MTARC1: variants seen among roughly 807,000 people sequenced by gnomAD.
MTARC1 encodes the protein mitochondrial amidoxime-reducing component 1.
A neutral mutation model predicts 33.6 loss-of-function variants in MTARC1; 24 were observed. The ratio of observed to expected loss-of-function variants is 0.72; its 90% CI spans 0.52 to 1.01. MTARC1 has a LOEUF of 1.01. Ranked by LOEUF, MTARC1 falls within the 50% of genes least tolerant of loss-of-function variation. The probability of loss-of-function intolerance (pLI) is 0.00; values close to 1 mark genes in which losing one functional copy is unlikely to be tolerated. For synonymous variants in MTARC1, 187 were observed against 189.5 expected, an observed-to-expected ratio of 0.99 and a Z score of 0.11; for missense variants, 417 against 445.7, an observed-to-expected ratio of 0.94 and a Z score of 0.58.
In MTARC1 at chr1:220,813,285, A is replaced by C. The variant is rs1558095876; in HGVS notation, c.888-7A>C. On this transcript the variant is annotated splice_polypyrimidine_tract_variant and splice_region_variant and intron_variant, in intron 6 of 6. Coordinates refer to ENST00000366910, the MANE Select transcript of MTARC1 (RefSeq NM_022746.4). ...CTGTGACTCATCATGATCTTTTCCT[A>C]TTGCAGTTATCGCCAGTGTGACCCT... 6.2e-7 allele frequency: 1 copy of C among 1,613,738 alleles called. No homozygotes were observed. The highest frequency in any genetic ancestry group is 1.3e-5 in the African/African-American group (1 of 74,806).
At chr1:220,795,231 T>C (rs771037550) in intron 2 of MTARC1, among the ~76,000 whole-genome samples, 2 of 152,182 alleles carry the variant, frequency 1.3e-5, no homozygotes, top group South Asian at 4.1e-4. Context: ...TTTGGGGACT[T>C]CTTACGGATT....
chr1:220,800,261 C>A (rs1176524422), intron 4 of MTARC1, among the ~76,000 whole-genome samples: 1 of 152,194 alleles, frequency 6.6e-6, no homozygotes, highest in Admixed American at 6.5e-5. Flanking sequence ...TGGGCGGTAA[C>A]ACAATGGTGG....
chr1:220,790,279 C>A (rs1032583570), intron 1 of MTARC1, among the ~76,000 whole-genome samples: 6 of 151,988 alleles, frequency 3.9e-5, no homozygotes, highest in African/African-American at 1.4e-4. Context: ...TGTGTGAAGA[C>A]CTCGGGAGGT....
intron 6 of MTARC1, chr1:220,808,760 G>A: frequency 8.6e-6 from 4 of 465,568 alleles, no homozygotes; most frequent in Non-Finnish European, 1.8e-5. Context: ...GAGGCATAGG[G>A]AAGCCTTTGT....
intron 4 of MTARC1, among the ~76,000 whole-genome samples, chr1:220,800,875 C>G (rs1177174699): frequency 7.2e-6 from 1 of 139,422 alleles, no homozygotes; most frequent in Admixed American, 7.0e-5. Context: ...CTACAGTTGA[C>G]AGATCTTGGT....
At chr1:220,793,788 G>A (rs1571665113) in intron 2 of MTARC1, 1 of 152,088 alleles carries the variant, frequency 6.6e-6, no homozygotes, top group Non-Finnish European at 1.5e-5. Context: ...AGGGTCAAAG[G>A]TTATAGGAGC....
At position 220,817,448 on chromosome 1, in the gene MTARC1, C is replaced by T. The variant is rs1210580754; in HGVS notation, c.*4030C>T. 1 of 152,368 alleles carries T rather than the reference C, an allele frequency of 6.6e-6. No individual in the cohort carries two copies. Among genetic ancestry groups the T allele is most frequent in the Non-Finnish European group, 1.5e-5 (1 of 68,212 alleles). The allele number at this position is 152,368 out of a possible 1,614,324, so 9.4% of individuals were successfully genotyped here. A position where few individuals can be genotyped will look rare whatever the true frequency, so the allele number is the denominator to read the frequency against. On this transcript the variant is annotated 3_prime_UTR_variant, in exon 7 of 7. Transcript: ENST00000366910. Reference sequence around the variant, plus strand: ...GGCTGGGGTGGCCACCTTTTATTCCCTTATTTGTCCCTGCCCATGTCCTGC... The same window carrying T: ...GGCTGGGGTGGCCACCTTTTATTCCTTTATTTGTCCCTGCCCATGTCCTGC...
At chr1:220,789,070 G>T (rs920692009) in intron 1 of MTARC1, among the ~76,000 whole-genome samples, 4 of 152,028 alleles carry the variant, frequency 2.6e-5, no homozygotes, top group African/African-American at 9.7e-5. Flanking sequence ...CTAAACAGAG[G>T]TTGTGACACG....
intron 4 of MTARC1, among the ~76,000 whole-genome samples, chr1:220,803,286 A>G (rs1672871197): frequency 6.6e-6 from 1 of 152,166 alleles, no homozygotes; most frequent in Admixed American, 6.5e-5. Context: ...CAAAAAAAGC[A>G]TGGGAAAGAC....
At chr1:220,792,261 G>T (rs1672448882) in intron 2 of MTARC1, among the ~76,000 whole-genome samples, 1 of 152,188 alleles carries the variant, frequency 6.6e-6, no homozygotes, top group Non-Finnish European at 1.5e-5. Flanking sequence ...CTGTACACAA[G>T]CCCTTCCCTC....
At chr1:220,801,615 G>A (rs544516844) in intron 4 of MTARC1, among the ~76,000 whole-genome samples, 2 of 152,310 alleles carry the variant, frequency 1.3e-5, no homozygotes, top group African/African-American at 4.8e-5. Context: ...GCAGTGCTGG[G>A]GCTCAGGAGA....
At position 220,813,555 on chromosome 1, in the gene MTARC1, G is replaced by A. The variant is rs3738179; in HGVS notation, c.*137G>A. The A allele has an allele frequency of 8.2e-6, 10 of 1,222,512 alleles. No individual in the cohort carries two copies. The East Asian group carries it at 2.5e-4, about 31-fold the overall frequency. The allele number at this position is 1,222,512 out of a possible 1,614,324, so 75.7% of individuals were successfully genotyped here. ...GTGATTTTCACATTTTTCGTCTTTT[G>A]GACTTCTGGTGTCTCAATGCTTCAA... On this transcript the variant is annotated 3_prime_UTR_variant, in exon 7 of 7. Coordinates refer to ENST00000366910, the MANE Select transcript of MTARC1 (RefSeq NM_022746.4).
rs896042930 is a variant in MTARC1, at chr1:220,802,386, C to T, written c.754-2666C>T. Among the ~76,000 whole-genome samples the T allele has an allele frequency of 3.3e-5, 5 of 152,204 alleles. No homozygotes were observed. The South Asian group carries it at 8.3e-4, about 25-fold the overall frequency. Reference sequence around the variant, plus strand: ...TTGCTCTGTCACCTAGGCCAGAGTGCGCTGGCATGATCTCAGCTCACTGCA... The same window carrying T: ...TTGCTCTGTCACCTAGGCCAGAGTGTGCTGGCATGATCTCAGCTCACTGCA... On this transcript the variant is annotated intron_variant, in intron 4 of 6. Transcript: ENST00000366910.
rs1673234873 is a variant in MTARC1 at position 220,814,530 on chromosome 1, C to A, written c.*1112C>A. 6.6e-6 allele frequency: 1 copy of A among 152,112 alleles called. No homozygotes were observed. The highest frequency in any genetic ancestry group is 2.4e-5 in the African/African-American group (1 of 41,402). The allele number at this position is 152,112 out of a possible 1,614,324, so 9.4% of individuals were successfully genotyped here. A position where few individuals can be genotyped will look rare whatever the true frequency, so the allele number is the denominator to read the frequency against. Reference sequence around the variant, plus strand: ...ATGGCTTGAGCCCAGGAGTTTGAGACCAGCCCAGAAAATATAATGGGATCC... The same window carrying A: ...ATGGCTTGAGCCCAGGAGTTTGAGAACAGCCCAGAAAATATAATGGGATCC... On this transcript the variant is annotated 3_prime_UTR_variant, in exon 7 of 7. Transcript: ENST00000366910.
At chr1:220,795,822 G>T (rs1260896551) in intron 2 of MTARC1, among the ~76,000 whole-genome samples, 1 of 152,122 alleles carries the variant, frequency 6.6e-6, no homozygotes, top group Non-Finnish European at 1.5e-5. Context: ...ATCAAGTGTT[G>T]CTAAAAGGTA....
At chr1:220,811,916 G>T (rs1673145647) in intron 6 of MTARC1, among the ~76,000 whole-genome samples, 1 of 152,210 alleles carries the variant, frequency 6.6e-6, no homozygotes, top group South Asian at 2.1e-4. Context: ...GCAGTACAAG[G>T]GCATTAATCA....
intron 2 of MTARC1, among the ~76,000 whole-genome samples, chr1:220,794,756 G>A (rs1419149138): frequency 3.9e-5 from 6 of 152,022 alleles, no homozygotes; most frequent in African/African-American, 1.4e-4. Context: ...CTTTGTAAAT[G>A]GTCTCATTAC....
intron 6 of MTARC1, among the ~76,000 whole-genome samples, chr1:220,808,654 T>C (rs997827503): frequency 2.0e-5 from 3 of 152,196 alleles, no homozygotes; most frequent in Non-Finnish European, 2.9e-5. Context: ...AGCGCTCAGC[T>C]GGGAGACCTC....
intron 2 of MTARC1, chr1:220,794,343 A>T (rs1270786820): frequency 6.6e-6 from 1 of 151,502 alleles, no homozygotes; most frequent in Non-Finnish European, 1.5e-5. Flanking sequence ...CTGTCTCCAT[A>T]CCTAGATATT....
Sources: allele counts gnomAD v4.1 joint callset (sites outside exome capture counted in the v4.1 genomes callset), GRCh38; gene constraint gnomAD v4.1.1; transcripts MANE v1.5; gene names NCBI Gene and HGNC (gene_info 2026-07-23, HGNC 2026-07-21).